GOLIM4: variants seen among roughly 807,000 people sequenced by gnomAD.
GOLIM4 encodes golgi integral membrane protein 4.
In GOLIM4, 71 loss-of-function variants were observed where a neutral mutation model predicts 107.4. That is an observed-to-expected ratio of 0.66 (90% CI 0.55 to 0.81). The LOEUF (loss-of-function observed/expected upper bound fraction) is 0.81, where lower values mean the gene tolerates loss of function less well. Ranked by LOEUF, GOLIM4 falls within the 30% of genes least tolerant of loss-of-function variation. The probability of loss-of-function intolerance (pLI) is 0.00; values close to 1 mark genes in which losing one functional copy is unlikely to be tolerated. For synonymous variants in GOLIM4, 327 were observed against 294.8 expected (o/e 1.11, Z -1.12); for missense variants, 830 against 826.1 (o/e 1.00, Z -0.06).
chr3:168,046,926 C>T, intron 3 of GOLIM4, 24 bp downstream of exon 3: 1 of 1,246,040 alleles, frequency 8.0e-7, no homozygotes, highest in Admixed American at 2.7e-5. Flanking sequence ...AACAAACAAC[C>T]ACAACAAAAA....
At chr3:168,062,019 A>T (rs1331547467) in intron 1 of GOLIM4, among the ~76,000 whole-genome samples, 4 of 152,230 alleles carry the variant, frequency 2.6e-5, no homozygotes, top group Non-Finnish European at 5.9e-5. Flanking sequence ...TGTATGAAAG[A>T]GCTACCTGTT....
At position 168,022,137 on chromosome 3, in the gene GOLIM4, G is replaced by A. The variant is rs578082882; in HGVS notation, c.1860+2389C>T. Among the ~76,000 whole-genome samples, 74 of 152,154 alleles carry A rather than the reference G, an allele frequency of 4.9e-4. 1 individual carries two copies. The highest frequency in any genetic ancestry group is 2.7e-3 in the South Asian group (13 of 4,814). ...ATCATACTTCTTTTGGGTCCTCTTA[G>A]AGGCCAAGTCTGTAAGTTTGATGGG... is the stretch of plus-strand genomic sequence containing the variant. On this transcript the variant is annotated intron_variant, in intron 14 of 15. Transcript: ENST00000470487.
chr3:168,040,865 T>C lies in GOLIM4; in HGVS notation c.605A>G (p.Gln202Arg). 1 of 1,607,676 alleles carries C rather than the reference T, an allele frequency of 6.2e-7. No homozygotes were observed. Among genetic ancestry groups the C allele is most frequent in the South Asian group, 1.1e-5 (1 of 90,828 alleles). Residue 202 changes from glutamine to arginine, a missense_variant, in exon 7 of 16, where the codon CAG (glutamine) becomes CGG (arginine). Gln to Arg is a conservative substitution (Grantham distance 43). Transcript: ENST00000470487. ...ATGCTCGGAGAGTAAATTCTTATGC[T>C]GTTGCTACACAAAAAAGAATTTTAC... ...IHTQLQDVKQ[Q>R]HKNLLSEHEQ...
chr3:168,082,026 G>A (rs1721394537), intron 1 of GOLIM4, among the ~76,000 whole-genome samples: 1 of 152,124 alleles, frequency 6.6e-6, no homozygotes, highest in African/African-American at 2.4e-5. Context: ...GGGACTAAGG[G>A]AGGTCAAATT....
At chr3:168,017,268 A>C (rs1032656526) in intron 14 of GOLIM4, among the ~76,000 whole-genome samples, 3 of 152,078 alleles carry the variant, frequency 2.0e-5, no homozygotes, top group African/African-American at 7.2e-5. Context: ...CAAGAGGATC[A>C]CTTGAGCCCA....
intron 14 of GOLIM4, among the ~76,000 whole-genome samples, chr3:168,014,638 C>T (rs891986805): frequency 2.9e-5 from 4 of 139,482 alleles, no homozygotes; most frequent in African/African-American, 1.3e-4. Flanking sequence ...CAAAAATCCT[C>T]AATAAAATAC....
At chr3:168,015,442 TATC>T (rs772499752) in intron 14 of GOLIM4, among the ~76,000 whole-genome samples, 8,045 of 137,686 alleles carry the variant, frequency 0.058, 368 homozygotes, top group African/African-American at 0.076. Flanking sequence ...GAAGAATCAA[TATC>T]ATGAAAATGG....
At chr3:168,061,570 T>C (rs907192218) in intron 1 of GOLIM4, among the ~76,000 whole-genome samples, 2 of 152,194 alleles carry the variant, frequency 1.3e-5, no homozygotes, top group Non-Finnish European at 1.5e-5. Flanking sequence ...ACATCTATCA[T>C]AGTAGAACGG....
intron 1 of GOLIM4, among the ~76,000 whole-genome samples, chr3:168,062,646 A>ACC (rs1720335715): frequency 6.6e-6 from 1 of 152,200 alleles, no homozygotes; most frequent in Non-Finnish European, 1.5e-5. Flanking sequence ...CAGTAATAGC[A>ACC]GAGGCTTTGC....
intron 14 of GOLIM4, among the ~76,000 whole-genome samples, chr3:168,012,062 G>GAGA (rs368805105): frequency 0.46 from 54,654 of 118,268 alleles, 15,009 homozygotes; most frequent in African/African-American, 0.64. Flanking sequence ...GACGAGCTGA[G>GAGA]AGAAGGCTTC....
chr3:168,048,264 CA>C (rs1719424374), intron 2 of GOLIM4, 26 bp downstream of exon 2: 2 of 1,187,208 alleles, frequency 1.7e-6, no homozygotes, highest in African/African-American at 3.0e-5. Context: ...TGGAAAAACA[CA>C]GAACACAAAT....
intron 15 of GOLIM4, 97 bp downstream of exon 15, chr3:168,010,645 AC>A: frequency 1.1e-6 from 1 of 930,078 alleles, no homozygotes; most frequent in Non-Finnish European, 1.7e-6. Context: ...AGGTACCATT[AC>A]CCACTGGTAC....
At chr3:168,086,118 T>C (rs886888359) in intron 1 of GOLIM4, among the ~76,000 whole-genome samples, 4 of 152,186 alleles carry the variant, frequency 2.6e-5, no homozygotes, top group Admixed American at 6.5e-5. Context: ...TAACTTGTTT[T>C]ATAGCATCCA....
rs116742978 is a variant in GOLIM4 at position 168,095,832 on chromosome 3, G to T, written c.-547C>A. 0.025 allele frequency: 3,799 copies of T among 152,994 alleles called. 152 individuals carry two copies. Among genetic ancestry groups the T allele is most frequent in the African/African-American group, 0.088 (3,648 of 41,546 alleles). 9.5% of individuals were successfully genotyped at this position (152,994 alleles called of 1,614,324 possible). A position where few individuals can be genotyped will look rare whatever the true frequency, so the allele number is the denominator to read the frequency against. ...GGCCAGCTGTCTCGGCTGGTTTTGG[G>T]GACGGCACAGCGGTGTCACTGACGG... is the stretch of plus-strand genomic sequence containing the variant. On this transcript the variant is annotated 5_prime_UTR_variant, in exon 1 of 16. Transcript: ENST00000470487.
intron 4 of GOLIM4, 67 bp downstream of exon 4, chr3:168,044,761 C>A: frequency 1.2e-6 from 1 of 857,484 alleles, no homozygotes; most frequent in Non-Finnish European, 1.9e-6. Context: ...CTTTAAAGGC[C>A]ATTAGTCAGT....
At chr3:168,063,991 A>G (rs1186957522) in intron 1 of GOLIM4, among the ~76,000 whole-genome samples, 1 of 152,198 alleles carries the variant, frequency 6.6e-6, no homozygotes, top group East Asian at 1.9e-4. Context: ...GGATTTTGTG[A>G]AAGTTTATTC....
At chr3:168,027,549 G>A (rs887268136) in intron 12 of GOLIM4, among the ~76,000 whole-genome samples, 179 bp downstream of exon 12, 1 of 149,402 alleles carries the variant, frequency 6.7e-6, no homozygotes, top group Non-Finnish European at 1.5e-5. Flanking sequence ...TCACATACAC[G>A]TACACCATGG....
rs1444304980 is a variant in GOLIM4 at position 168,009,273 on chromosome 3, G to A, written c.*996C>T. On this transcript the variant is annotated 3_prime_UTR_variant, in exon 16 of 16. Coordinates refer to ENST00000470487, the MANE Select transcript of GOLIM4 (RefSeq NM_014498.5). Reference sequence around the variant, plus strand: ...ATATCACCATATGTTTCACCATATAGTTTTGAAAAATAATCCTATTTGCAG... The same window carrying A: ...ATATCACCATATGTTTCACCATATAATTTTGAAAAATAATCCTATTTGCAG... The A allele has an allele frequency of 6.6e-6, 1 of 151,718 alleles. No individual in the cohort carries two copies. Among genetic ancestry groups the A allele is most frequent in the East Asian group, 1.9e-4 (1 of 5,182 alleles). The allele number at this position is 151,718 out of a possible 1,614,324, so 9.4% of individuals were successfully genotyped here.
intron 1 of GOLIM4, among the ~76,000 whole-genome samples, chr3:168,070,899 CTTT>C (rs1449985043): frequency 6.6e-6 from 1 of 152,146 alleles, no homozygotes; most frequent in African/African-American, 2.4e-5. Context: ...GTTCGCTCTT[CTTT>C]GTTAGTGGGG....
Sources: allele counts gnomAD v4.1 joint callset (sites outside exome capture counted in the v4.1 genomes callset), GRCh38; gene constraint gnomAD v4.1.1; transcripts MANE v1.5; gene names NCBI Gene and HGNC (gene_info 2026-07-23, HGNC 2026-07-21).